Variants in SCAF8 observed in about 807,000 individuals in gnomAD.
The protein encoded by SCAF8 is SR-related CTD associated factor 8.
Under a neutral mutation model 140.5 loss-of-function variants are expected in SCAF8, and 23 were observed. The observed-to-expected ratio is 0.16, with a 90% CI of 0.12 to 0.23. The LOEUF is 0.23. Ranked by LOEUF, SCAF8 falls within the 10% of genes least tolerant of loss-of-function variation. The probability of loss-of-function intolerance (pLI) is 1.00; values close to 1 mark genes in which losing one functional copy is unlikely to be tolerated. For missense variants in SCAF8, 1,397 were observed against 1,555.7 expected, an observed-to-expected ratio of 0.90 and a Z score of 1.72; for synonymous variants, 575 against 528.9, an observed-to-expected ratio of 1.09 and a Z score of -1.20.
rs1291357840 is a variant in SCAF8, at chr6:154,832,189, A to T, written c.2610A>T (p.Gly870=). The part of the protein sequence containing the change: ...PSVSNSSGLL[G]VLPPNIPNNS... ...TGTCAAATAGTTCTGGACTTTTGGG[A>T]GTGCTACCCCCAAATATACCTAACA... Residue 870 remains glycine (G), a synonymous_variant, in exon 20 of 20, where the codon GGA becomes GGT. Transcript: ENST00000367178. 1 of 1,614,122 alleles carries T rather than the reference A, an allele frequency of 6.2e-7. No homozygotes were observed. Among genetic ancestry groups the T allele is most frequent in the South Asian group, 1.1e-5 (1 of 91,084 alleles).
chr6:154,737,650 G>C (rs1429642399), intron 1 of SCAF8, among the ~76,000 whole-genome samples: 2 of 152,228 alleles, frequency 1.3e-5, no homozygotes, highest in African/African-American at 4.8e-5. Flanking sequence ...GGAGGCTGCA[G>C]TGAGCTGCAC....
At chr6:154,778,800 T>TGTGG in intron 3 of SCAF8, among the ~76,000 whole-genome samples, 1 of 151,658 alleles carries the variant, frequency 6.6e-6, no homozygotes, top group African/African-American at 2.4e-5. Flanking sequence ...TGTGTGTGTG[T>TGTGG]GTGTGTGTGT....
At chr6:154,830,052 C>T (rs1778687894) in intron 18 of SCAF8, among the ~76,000 whole-genome samples, 1 of 152,160 alleles carries the variant, frequency 6.6e-6, no homozygotes, top group Non-Finnish European at 1.5e-5. Flanking sequence ...GGCCAACCTC[C>T]CAATTTTTTC....
At chr6:154,740,625 C>CTTTTTTTTTTTTTTTTTTTT (rs66980794) in intron 1 of SCAF8, among the ~76,000 whole-genome samples, 1 of 138,520 alleles carries the variant, frequency 7.2e-6, no homozygotes, top group Non-Finnish European at 1.5e-5. Context: ...TTTTCTTTTT[C>CTTTTTTTTTTTTTTTTTTTT]TTTTTTTTTT....
At chr6:154,737,268 G>A (rs185460944) in intron 1 of SCAF8, among the ~76,000 whole-genome samples, 1 of 152,278 alleles carries the variant, frequency 6.6e-6, no homozygotes. Context: ...AAATTTAAAG[G>A]TATCTTTGAA....
At chr6:154,787,307 A>G (rs1462938598) in intron 3 of SCAF8, among the ~76,000 whole-genome samples, 1 of 152,258 alleles carries the variant, frequency 6.6e-6, no homozygotes, top group East Asian at 1.9e-4. Flanking sequence ...GTAGTGAGCC[A>G]TGATGGCACC....
intron 6 of SCAF8, among the ~76,000 whole-genome samples, chr6:154,799,735 C>T (rs1428770280): frequency 6.6e-6 from 1 of 151,106 alleles, no homozygotes; most frequent in Non-Finnish European, 1.5e-5. Flanking sequence ...CATCTCTTGT[C>T]TTTGTTTAAA....
chr6:154,801,879 A>G (rs909000485), intron 6 of SCAF8, 92 bp from the exon 7 acceptor site: 1 of 781,808 alleles, frequency 1.3e-6, no homozygotes, highest in Non-Finnish European at 2.0e-6. Flanking sequence ...AGAGTGTGGA[A>G]TGATTAATTT....
At chr6:154,767,918 C>T (rs1488283439) in intron 1 of SCAF8, among the ~76,000 whole-genome samples, 1 of 152,034 alleles carries the variant, frequency 6.6e-6, no homozygotes, top group East Asian at 1.9e-4. Flanking sequence ...TTAAATTGTC[C>T]AGCTTTAGAT....
At chr6:154,825,655 CAAAA>C (rs34342159) in intron 17 of SCAF8, among the ~76,000 whole-genome samples, 12 of 64,342 alleles carry the variant, frequency 1.9e-4, no homozygotes, top group African/African-American at 6.7e-4. Flanking sequence ...GACCTTGTCT[CAAAA>C]AAAAAAAAAA....
intron 6 of SCAF8, among the ~76,000 whole-genome samples, chr6:154,797,139 T>C (rs990680570): frequency 7.0e-6 from 1 of 143,732 alleles, no homozygotes; most frequent in African/African-American, 2.4e-5. Flanking sequence ...AGAAACCATC[T>C]GTTTTGTTTT....
chr6:154,761,291 G>A (rs565585682), intron 1 of SCAF8, among the ~76,000 whole-genome samples: 7 of 152,116 alleles, frequency 4.6e-5, no homozygotes, highest in South Asian at 4.1e-4. Context: ...GTTCGAGACC[G>A]CCTGGGCAAC....
At chr6:154,779,891 C>T (rs1021062899) in intron 3 of SCAF8, among the ~76,000 whole-genome samples, 1 of 151,986 alleles carries the variant, frequency 6.6e-6, no homozygotes, top group Non-Finnish European at 1.5e-5. Context: ...ATGTGCCCCT[C>T]ACTCAGTTTC....
At position 154,825,655 on chromosome 6, in the gene SCAF8, C is replaced by CAAAAA. The variant is rs34342159; in HGVS notation, c.2071+1294_2071+1298dup. ...TGGATGACAGAGTGAGACCTTGTCT[C>CAAAAA]AAAAAAAAAAAAAAAAAAAAAGCTT... is the stretch of plus-strand genomic sequence containing the variant. On this transcript the variant is annotated intron_variant, in intron 17 of 19. Coordinates refer to ENST00000367178, the MANE Select transcript of SCAF8 (RefSeq NM_014892.5). 1.3e-3 allele frequency among the ~76,000 whole-genome samples: 81 copies of CAAAAA among 64,280 alleles called. 5 individuals carry two copies. Among genetic ancestry groups the CAAAAA allele is most frequent in the African/African-American group, 3.9e-3 (64 of 16,392 alleles). The allele number at this position is 64,280 out of a possible 152,430, so 42.2% of individuals were successfully genotyped here.
At chr6:154,776,608 T>C (rs561165955) in intron 2 of SCAF8, among the ~76,000 whole-genome samples, 3 of 152,334 alleles carry the variant, frequency 2.0e-5, no homozygotes, top group South Asian at 2.1e-4. Flanking sequence ...ATTTTGCATA[T>C]TGATTTTTAA....
intron 15 of SCAF8, 170 bp from the exon 16 acceptor site, chr6:154,822,106 C>T: frequency 1.8e-6 from 1 of 559,108 alleles, no homozygotes; most frequent in Non-Finnish European, 3.0e-6. Context: ...CCATAGTATC[C>T]TAATCAGATT....
At chr6:154,772,686 C>CTCAATCAA (rs537232418) in intron 1 of SCAF8, among the ~76,000 whole-genome samples, 1 of 152,076 alleles carries the variant, frequency 6.6e-6, no homozygotes, top group Non-Finnish European at 1.5e-5. Flanking sequence ...GAGACCCTGT[C>CTCAATCAA]TCAATCAATC....
intron 12 of SCAF8, among the ~76,000 whole-genome samples, chr6:154,814,514 C>T (rs1431869248): frequency 1.3e-5 from 2 of 152,070 alleles, no homozygotes; most frequent in Admixed American, 1.3e-4. Context: ...TCTGACTAGC[C>T]AGAGTGGAGA....
chr6:154,776,490 C>G (rs1776922329), intron 2 of SCAF8, among the ~76,000 whole-genome samples: 1 of 152,046 alleles, frequency 6.6e-6, no homozygotes, highest in Non-Finnish European at 1.5e-5. Context: ...AATAAACTTT[C>G]AGTTAAGATT....
Sources: allele counts gnomAD v4.1 joint callset (sites outside exome capture counted in the v4.1 genomes callset), GRCh38; gene constraint gnomAD v4.1.1; transcripts MANE v1.5; gene names NCBI Gene and HGNC (gene_info 2026-07-23, HGNC 2026-07-21).